The following LRRC34 variants were observed in gnomAD, a reference collection of about 807,000 sequenced individuals.
The protein encoded by LRRC34 is leucine-rich repeat-containing protein 34.
In LRRC34, 44 loss-of-function variants were observed where a neutral mutation model predicts 48.5. That is an observed-to-expected ratio of 0.91 (90% CI 0.71 to 1.17). The LOEUF is 1.17. Ranked by LOEUF, LRRC34 falls within the 50% of genes most tolerant of loss-of-function variation. The probability of loss-of-function intolerance (pLI) is 0.00; values close to 1 mark genes in which losing one functional copy is unlikely to be tolerated. For missense variants in LRRC34, 502 were observed against 563.0 expected, an observed-to-expected ratio of 0.89 and a Z score of 1.10; for synonymous variants, 192 against 197.6, an observed-to-expected ratio of 0.97 and a Z score of 0.24.
At chr3:169,795,845 T>C (rs558960660) in intron 9 of LRRC34, 2 of 1,196,562 alleles carry the variant, frequency 1.7e-6, no homozygotes, top group South Asian at 3.1e-5. Context: ...CAGTAAATGT[T>C]TGGGTGGATA....
Position 169,803,278 on chromosome 3 carries a change from G to T in LRRC34, c.657+775C>A, listed in dbSNP as rs535025133. Among the ~76,000 whole-genome samples the T allele has an allele frequency of 7.5e-3, 1,149 of 152,192 alleles. 14 individuals carry two copies. Among genetic ancestry groups the T allele is most frequent in the African/African-American group, 0.026 (1,085 of 41,530 alleles). On this transcript the variant is annotated intron_variant, in intron 6 of 10. Coordinates refer to ENST00000446859, the MANE Select transcript of LRRC34 (RefSeq NM_001172779.2). ...GAGTACAGTGGATGTTCACAGGCAC[G>T]GTTGTAGTGAACTGTAACCTCAAAC...
Position 169,800,774 on chromosome 3 carries a change from T to TTA in LRRC34, c.658-22_658-21dup, listed in dbSNP as rs1251112883. On this transcript the variant is annotated intron_variant, in intron 6 of 10. Coordinates refer to ENST00000446859, the MANE Select transcript of LRRC34 (RefSeq NM_001172779.2). ...CATTCCCTAAAAACAGGTAAATTCA[T>TTA]TAAGGAAACAGACAAAGTATATAAT... 1 of 1,422,026 alleles carries TTA rather than the reference T, an allele frequency of 7.0e-7. No individual in the cohort carries two copies. The highest frequency in any genetic ancestry group is 2.0e-5 in the Admixed American group (1 of 49,764). 88.1% of individuals were successfully genotyped at this position (1,422,026 alleles called of 1,614,324 possible).
rs1366193096 is a variant in LRRC34 at position 169,808,722 on chromosome 3, T to G, written c.163A>C (p.Lys55Gln). ...TCCATACACAGATTAGAATAATGTT[T>G]CTGGAGACCAGATTCTGGAGATTCT... ...QRESPESGLQ[K>Q]HYSNLCMEKS... Residue 55 changes from lysine to glutamine, a missense_variant, in exon 2 of 11, where the codon AAA (lysine) becomes CAA (glutamine). Lys to Gln is a moderately conservative substitution (Grantham distance 53, BLOSUM62 1). Coordinates refer to ENST00000446859, the MANE Select transcript of LRRC34 (RefSeq NM_001172779.2). The G allele has an allele frequency of 2.5e-6, 4 of 1,587,152 alleles. No homozygotes were observed. In the African/African-American group the frequency reaches 5.4e-5, roughly 21 times the overall value.
At chr3:169,808,795 T>TA (rs752563567) in intron 1 of LRRC34, 50 bp from the exon 2 acceptor site, 174 of 1,062,286 alleles carry the variant, frequency 1.6e-4, no homozygotes, top group African/African-American at 2.1e-4. Context: ...CTAGAAGCTT[T>TA]AAAAAAAACC....
In LRRC34 at chr3:169,793,200, C is replaced by T. The variant is rs913099163; in HGVS notation, c.*435G>A. 1.1e-4 allele frequency among the ~76,000 whole-genome samples: 17 copies of T among 152,102 alleles called. No homozygotes were observed. Among genetic ancestry groups the T allele is most frequent in the African/African-American group, 3.6e-4 (15 of 41,416 alleles). On this transcript the variant is annotated 3_prime_UTR_variant, in exon 11 of 11. Coordinates refer to ENST00000446859, the MANE Select transcript of LRRC34 (RefSeq NM_001172779.2). ...TTGTTAGTAACACCTGTCTGTAACA[C>T]GTAAATAGGATAGGTAGAATACTTT...
chr3:169,797,077 A>AT (rs566910783), intron 7 of LRRC34, 178 bp from the exon 8 acceptor site: 26 of 412,234 alleles, frequency 6.3e-5, no homozygotes, highest in African/African-American at 3.5e-4. Flanking sequence ...CACAAATGAT[A>AT]TTTTTTACCT....
intron 8 of LRRC34, 81 bp downstream of exon 8, chr3:169,796,664 G>A (rs988034875): frequency 1.3e-5 from 18 of 1,353,356 alleles, no homozygotes; most frequent in African/African-American, 8.9e-5. Context: ...GTCTAACAAC[G>A]TATCCCAAGT....
intron 2 of LRRC34, chr3:169,808,013 T>C (rs1180781323): frequency 1.9e-5 from 5 of 259,826 alleles, no homozygotes; most frequent in African/African-American, 1.1e-4. Flanking sequence ...AGTGATTTGC[T>C]TAGACTCACC....
chr3:169,793,094 G>A lies in LRRC34; in HGVS notation c.*541C>T, dbSNP rs1778852019. 1.3e-5 allele frequency among the ~76,000 whole-genome samples: 2 copies of A among 152,320 alleles called. No individual in the cohort carries two copies. The highest frequency in any genetic ancestry group is 2.1e-4 in the South Asian group (1 of 4,824). The stretch of plus-strand genomic sequence containing the variant: ...GAAGTCAGGATAGTGGTTATGAGAG[G>A]AGAGTGGGAGAGCTGGCAGCACTGG... On this transcript the variant is annotated 3_prime_UTR_variant, in exon 11 of 11. Transcript: ENST00000446859.
intron 5 of LRRC34, among the ~76,000 whole-genome samples, chr3:169,804,544 C>G (rs1376754615): frequency 1.3e-5 from 2 of 152,156 alleles, no homozygotes; most frequent in Non-Finnish European, 2.9e-5. Flanking sequence ...ATCTGCCCAG[C>G]TCGGCCTCCC....
intron 7 of LRRC34, 55 bp downstream of exon 7, chr3:169,800,604 G>T: frequency 9.2e-7 from 1 of 1,081,384 alleles, no homozygotes; most frequent in South Asian, 1.4e-5. Context: ...ACTTGTAGTA[G>T]TACCTTAGTT....
intron 6 of LRRC34, among the ~76,000 whole-genome samples, chr3:169,802,939 T>A (rs1310865207): frequency 2.6e-5 from 4 of 151,732 alleles, no homozygotes; most frequent in Non-Finnish European, 5.9e-5. Context: ...ATCACGCCAT[T>A]GCACTCCAGC....
chr3:169,797,702 A>G (rs1386026440), intron 7 of LRRC34, among the ~76,000 whole-genome samples: 1 of 152,188 alleles, frequency 6.6e-6, no homozygotes, highest in African/African-American at 2.4e-5. Flanking sequence ...TTCTTGTTAT[A>G]TATAAAGGTA....
intron 5 of LRRC34, 44 bp from the exon 6 acceptor site, chr3:169,804,225 A>T: frequency 6.8e-7 from 1 of 1,470,614 alleles, no homozygotes; most frequent in East Asian, 2.3e-5. Context: ...TAATCCACAG[A>T]ATTCTATATA....
rs1190214584 is a variant in LRRC34, at chr3:169,796,774, G to C, written c.879C>G (p.Asn293Lys). 1.2e-6 allele frequency: 2 copies of C among 1,609,392 alleles called. No homozygotes were observed. The highest frequency in any genetic ancestry group is 1.7e-6 in the Non-Finnish European group (2 of 1,178,742). Residue 293 changes from asparagine to lysine, a missense_variant, in exon 8 of 11, where the codon AAC becomes AAG. By Grantham distance (94) the Asn-to-Lys change is moderately conservative (BLOSUM62 0). Transcript: ENST00000446859. ...TGACATCAAGGTAGCGCAGGCTACT[G>C]TTCAGATACAGTGCATCACATAACT... ...IQQLCDALYLNSSLRYLDVSC... is the reference protein window; with the variant it reads ...IQQLCDALYLKSSLRYLDVSC...
Position 169,812,083 on chromosome 3 carries a change from C to A in LRRC34, c.139+327G>T, listed in dbSNP as rs992936238. ...TCACAAAAAGGGGGCTGAGAAGAGC[C>A]CCCCCGCCACCCCCTCCCGGAGACC... On this transcript the variant is annotated intron_variant, in intron 1 of 10. Transcript: ENST00000446859. This position sits in a 1 kb window ranked among gnomAD's most constrained non-coding sequence, Gnocchi z 4.3. Among the ~76,000 whole-genome samples the A allele has an allele frequency of 2.6e-5, 4 of 152,150 alleles. No individual in the cohort carries two copies. The South Asian group carries it at 6.2e-4, about 24-fold the overall frequency.
Position 169,808,700 on chromosome 3 carries a change from A to G in LRRC34, c.185T>C (p.Met62Thr). 5.6e-6 allele frequency: 9 copies of G among 1,597,856 alleles called. No individual in the cohort carries two copies. Among genetic ancestry groups the G allele is most frequent in the Non-Finnish European group, 7.7e-6 (9 of 1,167,668 alleles). ...AGGATTAATTTTCTGGGATTTTTCC[A>G]TACACAGATTAGAATAATGTTTCTG... is the stretch of plus-strand genomic sequence containing the variant. ...GLQKHYSNLC[M>T]EKSQKINPFI... The change falls in exon 2 of 11, where the codon ATG (methionine) becomes ACG (threonine). Residue 62 changes from methionine to threonine, a missense_variant. Coordinates refer to ENST00000446859, the MANE Select transcript of LRRC34 (RefSeq NM_001172779.2).
intron 7 of LRRC34, among the ~76,000 whole-genome samples, chr3:169,798,718 A>C (rs1173186808): frequency 6.6e-6 from 1 of 152,184 alleles, no homozygotes; most frequent in Non-Finnish European, 1.5e-5. Flanking sequence ...CCTATATATA[A>C]ACATATTTCC....
chr3:169,808,885 T>A, intron 1 of LRRC34, 140 bp from the exon 2 acceptor site: 1 of 564,560 alleles, frequency 1.8e-6, no homozygotes, highest in East Asian at 3.3e-5. Flanking sequence ...AGAATTAAGG[T>A]TAGAAAAAGA....
Sources: allele counts gnomAD v4.1 joint callset (sites outside exome capture counted in the v4.1 genomes callset), GRCh38; gene constraint gnomAD v4.1.1; non-coding constraint Gnocchi (gnomAD v3.1); transcripts MANE v1.5; gene names NCBI Gene and HGNC (gene_info 2026-07-23, HGNC 2026-07-21).